The following PRSS56 variants were observed in gnomAD, a reference collection of about 807,000 sequenced individuals.
PRSS56 encodes the protein serine protease 56.
Under a neutral mutation model 66.8 loss-of-function variants are expected in PRSS56, and 55 were observed. That is an observed-to-expected ratio of 0.82 (90% CI 0.66 to 1.03). The LOEUF (loss-of-function observed/expected upper bound fraction) is 1.03. Ranked by LOEUF, PRSS56 falls within the 50% of genes least tolerant of loss-of-function variation. The pLI, the probability that PRSS56 is intolerant of heterozygous loss-of-function variation, is 0.00. For missense variants in PRSS56, 869 were observed against 837.2 expected (o/e 1.04, Z -0.47); for synonymous variants, 409 against 387.9 (o/e 1.05, Z -0.64).
Position 232,523,852 on chromosome 2 carries a change from C to T in PRSS56, c.1093C>T (p.Leu365Phe). ...GGAGCTGCAGGCAGACGCCGCCCGG[C>T]TCTGCGCCTTCTATGCCCGCCTGTG... ...PQELQADAAR[L>F]CAFYARLCPG... The change falls in exon 9 of 13, where the codon CTC becomes TTC. Residue 365 changes from leucine to phenylalanine, a missense_variant. Physicochemically the swap from Leu to Phe is conservative, Grantham distance 22. This residue lies in a region of PRSS56 where 551 missense variants were observed against 506.9 expected (regional missense o/e 1.09). Transcript: ENST00000617714. 6.5e-7 allele frequency: 1 copy of T among 1,533,020 alleles called. No homozygotes were observed. The allele number at this position is 1,533,020 out of a possible 1,614,324, so 95.0% of individuals were successfully genotyped here. A position where few individuals can be genotyped will look rare whatever the true frequency, so the allele number is the denominator to read the frequency against.
In PRSS56 at chr2:232,523,955, G is replaced by C. The variant is rs1384008106; in HGVS notation, c.1186+10G>C. 6.6e-7 allele frequency: 1 copy of C among 1,515,760 alleles called. No homozygotes were observed. Among genetic ancestry groups the C allele is most frequent in the Non-Finnish European group, 8.8e-7 (1 of 1,138,344 alleles). 93.9% of individuals were successfully genotyped at this position (1,515,760 alleles called of 1,614,324 possible). ...CGCCGGCGGCGATGCGGTCAGTTCT[G>C]TTCACCCGGACCCGGACGGGGGGCA... On this transcript the variant is annotated intron_variant, in intron 9 of 12. Coordinates refer to ENST00000617714, the MANE Select transcript of PRSS56 (RefSeq NM_001195129.2).
intron 3 of PRSS56, 27 bp downstream of exon 3, chr2:232,521,893 A>C: frequency 1.3e-6 from 2 of 1,532,844 alleles, no homozygotes; most frequent in Non-Finnish European, 1.7e-6. Context: ...TCGAGGGGGC[A>C]GGCCTGAGAG....
intron 11 of PRSS56, among the ~76,000 whole-genome samples, 170 bp from the exon 12 acceptor site, chr2:232,524,568 G>A (rs1156459338): frequency 1.3e-5 from 2 of 152,236 alleles, no homozygotes; most frequent in Non-Finnish European, 2.9e-5. Context: ...AAACAGAGAT[G>A]CTTTGCCTGG....
chr2:232,524,561 CAG>C (rs1691373385), intron 11 of PRSS56, among the ~76,000 whole-genome samples, 175 bp from the exon 12 acceptor site: 1 of 152,250 alleles, frequency 6.6e-6, no homozygotes, highest in African/African-American at 2.4e-5. Flanking sequence ...CAGTGTCAAA[CAG>C]AGATGCTTTG....
chr2:232,522,728 C>T lies in PRSS56; in HGVS notation c.573C>T (p.Asp191=). 6.5e-7 allele frequency: 1 copy of T among 1,534,428 alleles called. No homozygotes were observed. Among genetic ancestry groups the T allele is most frequent in the African/African-American group, 1.4e-5 (1 of 73,046 alleles). ...TTGACCCGCGGACCTTCCACAACGA[C>T]CTGGCCCTGGTGCAGCTGTGGACGC... The part of the protein sequence containing the change: ...PKFDPRTFHN[D]LALVQLWTPV... The change falls in exon 6 of 13, where the codon GAC becomes GAT. Residue 191 remains aspartate (D), a synonymous_variant. Transcript: ENST00000617714.
In PRSS56 at chr2:232,523,851, G is replaced by A. The variant is rs1166912282; in HGVS notation, c.1092G>A (p.Arg364=). ...PPQELQADAA[R]LCAFYARLCP... ...AGGAGCTGCAGGCAGACGCCGCCCG[G>A]CTCTGCGCCTTCTATGCCCGCCTGT... The change falls in exon 9 of 13, where the codon CGG becomes CGA. Residue 364 remains arginine, a synonymous_variant. Transcript: ENST00000617714. 2 of 1,533,026 alleles carry A rather than the reference G, an allele frequency of 1.3e-6. No individual in the cohort carries two copies. The highest frequency in any genetic ancestry group is 1.7e-6 in the Non-Finnish European group (2 of 1,145,972). The allele number at this position is 1,533,026 out of a possible 1,614,324, so 95.0% of individuals were successfully genotyped here. A position where few individuals can be genotyped will look rare whatever the true frequency, so the allele number is the denominator to read the frequency against.
At chr2:232,521,523 C>A in intron 2 of PRSS56, 95 bp downstream of exon 2, 1 of 1,022,810 alleles carries the variant, frequency 9.8e-7, no homozygotes, top group Non-Finnish European at 1.5e-6. Flanking sequence ...TCACTCTCCT[C>A]TTGGGGGCAG....
At position 232,520,693 on chromosome 2, in the gene PRSS56, A is replaced by G; in HGVS notation, c.95A>G (p.Gln32Arg). 1 of 1,528,060 alleles carries G rather than the reference A, an allele frequency of 6.5e-7. No homozygotes were observed. The highest frequency in any genetic ancestry group is 8.8e-7 in the Non-Finnish European group (1 of 1,140,318). 94.7% of individuals were successfully genotyped at this position (1,528,060 alleles called of 1,614,324 possible). A position where few individuals can be genotyped will look rare whatever the true frequency, so the allele number is the denominator to read the frequency against. ...ACACGCCTGCCCCCCAGCGCCCTGC[A>G]AGGTAAGTCCAGGCTGGCCCGAGAG... ...LYTRLPPSAL[Q>R]VLSAQGTQAL... is the part of the protein sequence containing the mutation. Residue 32 changes from glutamine (Q) to arginine (R), a missense_variant and splice_region_variant, in exon 1 of 13, where the codon CAA (glutamine) becomes CGA (arginine). This residue lies in a region of PRSS56 where 315 missense variants were observed against 313.7 expected (regional missense o/e 1.00). Coordinates refer to ENST00000617714, the MANE Select transcript of PRSS56 (RefSeq NM_001195129.2).
intron 4 of PRSS56, 61 bp from the exon 5 acceptor site, chr2:232,522,454 C>T (rs1315992449): frequency 1.4e-6 from 2 of 1,389,058 alleles, no homozygotes; most frequent in East Asian, 2.7e-5. Flanking sequence ...GCAGGGTCTC[C>T]GAGGGGCCTG....
In PRSS56 at chr2:232,523,490, C is replaced by T. The variant is rs1407169978; in HGVS notation, c.924C>T (p.Ser308=). 1 of 1,530,412 alleles carries T rather than the reference C, an allele frequency of 6.5e-7. No individual in the cohort carries two copies. The highest frequency in any genetic ancestry group is 2.4e-5 in the East Asian group (1 of 40,884). 94.8% of individuals were successfully genotyped at this position (1,530,412 alleles called of 1,614,324 possible). Residue 308 remains serine, a synonymous_variant, in exon 8 of 13, where the codon TCC becomes TCT. Transcript: ENST00000617714. The part of the protein sequence containing the change: ...RPREVLFGVT[S]WGDGCGEPGK... ...GAGAGGTCCTGTTCGGAGTCACCTC[C>T]TGGGGGGACGGCTGCGGGGAGCCAG...
In PRSS56 at chr2:232,521,373, G is replaced by A. The variant is rs1184325420; in HGVS notation, c.150G>A (p.Gln50=). Residue 50 remains glutamine, a synonymous_variant, in exon 2 of 13, where the codon CAG becomes CAA. Transcript: ENST00000617714. ...TGCAGGCAGCCCAGAGGAGCGCCCA[G>A]TGGGCAATAAACCGAGTGGCGATGG... ...QALQAAQRSA[Q]WAINRVAMEI... is the part of the protein sequence containing the mutation. 2 of 1,536,170 alleles carry A rather than the reference G, an allele frequency of 1.3e-6. No homozygotes were observed. The highest frequency in any genetic ancestry group is 4.9e-5 in the East Asian group (2 of 40,912).
rs1691336380 is a variant in PRSS56, at chr2:232,523,760, C to A, written c.1013-12C>A. On this transcript the variant is annotated splice_polypyrimidine_tract_variant and intron_variant, in intron 8 of 12. Transcript: ENST00000617714. ...ACAGAGGGTGAGCTGACCCCTGTCC[C>A]GCCCGCAGCAGCCTCCTCCAGCCGC... is the stretch of plus-strand genomic sequence containing the variant. 2 of 1,533,850 alleles carry A rather than the reference C, an allele frequency of 1.3e-6. No homozygotes were observed. Among genetic ancestry groups the A allele is most frequent in the South Asian group, 1.2e-5 (1 of 83,950 alleles).
At position 232,522,711 on chromosome 2, in the gene PRSS56, C is replaced by T. The variant is rs1197840117; in HGVS notation, c.556C>T (p.Arg186Trp). 1 of 1,534,484 alleles carries T rather than the reference C, an allele frequency of 6.5e-7. No homozygotes were observed. The highest frequency in any genetic ancestry group is 8.7e-7 in the Non-Finnish European group (1 of 1,145,988). Residue 186 changes from arginine to tryptophan, a missense_variant, in exon 6 of 13, where the codon CGG (arginine) becomes TGG (tryptophan). Physicochemically the swap from Arg to Trp is moderately radical, Grantham distance 101 (BLOSUM62 -3). Around this residue, in one of 3 missense-constraint regions of PRSS56, gnomAD observed 315 missense variants for 313.7 expected, o/e 1.00. Transcript: ENST00000617714. ...RILPHPKFDPRTFHNDLALVQ... is the reference protein window; with the variant it reads ...RILPHPKFDPWTFHNDLALVQ... ...GCCTCCCCCTCCTCAGTTTGACCCG[C>T]GGACCTTCCACAACGACCTGGCCCT...
At chr2:232,521,459 G>C in intron 2 of PRSS56, 31 bp downstream of exon 2, 1 of 1,489,034 alleles carries the variant, frequency 6.7e-7, no homozygotes, top group Non-Finnish European at 9.1e-7. Flanking sequence ...GCCCCAGTGA[G>C]CTTGCTGCCT....
rs1365818200 is a variant in PRSS56 at position 232,521,847 on chromosome 2, C to T, written c.237C>T (p.Leu79=). The part of the protein sequence containing the change: ...GSGRPRPQAL[L]QDPPEPGPCG... ...GGCGCCCCAGGCCTCAAGCTCTCCT[C>T]CAGGACCCACCTGAGCCAGGTGAGG... Residue 79 remains leucine, a synonymous_variant, in exon 3 of 13, where the codon CTC becomes CTT. Coordinates refer to ENST00000617714, the MANE Select transcript of PRSS56 (RefSeq NM_001195129.2). 2 of 1,535,886 alleles carry T rather than the reference C, an allele frequency of 1.3e-6. No homozygotes were observed. The highest frequency in any genetic ancestry group is 2.0e-5 in the Admixed American group (1 of 50,982).
Position 232,524,140 on chromosome 2 carries a change from C to T in PRSS56, c.1288C>T (p.Leu430Phe), listed in dbSNP as rs1193324440. 1 of 1,512,098 alleles carries T rather than the reference C, an allele frequency of 6.6e-7. No individual in the cohort carries two copies. Among genetic ancestry groups the T allele is most frequent in the Non-Finnish European group, 8.8e-7 (1 of 1,137,140 alleles). 93.7% of individuals were successfully genotyped at this position (1,512,098 alleles called of 1,614,324 possible). A position where few individuals can be genotyped will look rare whatever the true frequency, so the allele number is the denominator to read the frequency against. The change falls in exon 10 of 13, where the codon CTC (leucine) becomes TTC (phenylalanine). Residue 430 changes from leucine to phenylalanine, a missense_variant. Leu to Phe is a conservative substitution (Grantham distance 22). Transcript: ENST00000617714. Reference protein sequence around the residue: ...GLRRLAPALALPAPALRESPL... With the variant: ...GLRRLAPALAFPAPALRESPL... ...GCGGCGCCTGGCCCCCGCCCTGGCT[C>T]TCCCCGCTCCAGCGCTCAGGGAGTC... is the stretch of plus-strand genomic sequence containing the variant.
intron 5 of PRSS56, 35 bp downstream of exon 5, chr2:232,522,649 C>T (rs980303676): frequency 1.4e-5 from 21 of 1,531,328 alleles, no homozygotes; most frequent in Non-Finnish European, 1.7e-5. Flanking sequence ...CAAGGCTGGG[C>T]ACCGCACCCC....
chr2:232,523,841 A>G lies in PRSS56; in HGVS notation c.1082A>G (p.Asp361Gly). Residue 361 changes from aspartate to glycine, a missense_variant, in exon 9 of 13, where the codon GAC becomes GGC. Physicochemically the swap from Asp to Gly is moderately conservative, Grantham distance 94 (BLOSUM62 -1). Transcript: ENST00000617714. ...GACCCCCCCCAGGAGCTGCAGGCAG[A>G]CGCCGCCCGGCTCTGCGCCTTCTAT... Reference protein sequence around the residue: ...AWDPPQELQADAARLCAFYAR... With the variant: ...AWDPPQELQAGAARLCAFYAR... The G allele has an allele frequency of 1.3e-6, 2 of 1,533,066 alleles. No homozygotes were observed. Among genetic ancestry groups the G allele is most frequent in the Non-Finnish European group, 1.7e-6 (2 of 1,146,162 alleles). 95.0% of individuals were successfully genotyped at this position (1,533,066 alleles called of 1,614,324 possible).
In PRSS56 at chr2:232,523,139, C is replaced by T. The variant is rs1691322734; in HGVS notation, c.786C>T (p.Pro262=). The T allele has an allele frequency of 2.0e-6, 3 of 1,531,814 alleles. No homozygotes were observed. Among genetic ancestry groups the T allele is most frequent in the South Asian group, 1.2e-5 (1 of 83,562 alleles). The allele number at this position is 1,531,814 out of a possible 1,614,324, so 94.9% of individuals were successfully genotyped here. ...STDTCRRALG[P]GLRPSTMLCA... is the part of the protein sequence containing the mutation. ...ACACCTGCCGAAGAGCCCTGGGGCCCGGGCTGCGCCCCAGCACCATGCTCT... is the reference window on the plus strand; with the variant it reads ...ACACCTGCCGAAGAGCCCTGGGGCCTGGGCTGCGCCCCAGCACCATGCTCT... Residue 262 remains proline (P), a synonymous_variant, in exon 7 of 13, where the codon CCC becomes CCT. Transcript: ENST00000617714.
Sources: allele counts gnomAD v4.1 joint callset (sites outside exome capture counted in the v4.1 genomes callset), GRCh38; gene constraint gnomAD v4.1.1; regional missense constraint gnomAD v4.1.1; transcripts MANE v1.5; gene names NCBI Gene and HGNC (gene_info 2026-07-23, HGNC 2026-07-21).